The following RIMS2 variants were observed in gnomAD, a reference collection of about 807,000 sequenced individuals.
RIMS2 encodes regulating synaptic membrane exocytosis protein 2.
RIMS2 carries 59 observed loss-of-function variants against 174.4 expected under a neutral mutation model. The observed-to-expected ratio is 0.34, with a 90% CI of 0.27 to 0.42. RIMS2 has a LOEUF of 0.42. RIMS2 is among the 10% of genes least tolerant of loss of function. RIMS2 has a pLI of 1.00. For missense variants in RIMS2, 1,620 were observed against 1,666.3 expected, an observed-to-expected ratio of 0.97 and a Z score of 0.48; for synonymous variants, 606 against 572.5, an observed-to-expected ratio of 1.06 and a Z score of -0.84.
At chr8:103,969,240 GT>G (rs2092563260) in intron 15 of RIMS2, among the ~76,000 whole-genome samples, 1 of 152,028 alleles carries the variant, frequency 6.6e-6, no homozygotes, top group African/African-American at 2.4e-5. Context: ...CCTGACATTA[GT>G]TTGGGGAAAT....
At chr8:103,980,124 C>A (rs962219476) in intron 16 of RIMS2, among the ~76,000 whole-genome samples, 8 of 152,110 alleles carry the variant, frequency 5.3e-5, no homozygotes, top group Non-Finnish European at 1.0e-4. Flanking sequence ...GTGCTAGTAC[C>A]ACTCCTCCTC....
chr8:103,887,105 T>A (rs1404508551), intron 4 of RIMS2, among the ~76,000 whole-genome samples: 1 of 151,802 alleles, frequency 6.6e-6, no homozygotes, highest in Non-Finnish European at 1.5e-5. Flanking sequence ...ACCAAATCTT[T>A]GCCAATTGAA....
intron 2 of RIMS2, among the ~76,000 whole-genome samples, chr8:103,760,008 C>T (rs575864161): frequency 8.6e-4 from 131 of 152,172 alleles, no homozygotes; most frequent in Non-Finnish European, 1.5e-3. Flanking sequence ...TATTGGACTA[C>T]AATTTACTGA....
chr8:104,163,953 C>T (rs1823168), intron 19 of RIMS2, among the ~76,000 whole-genome samples: 35,132 of 151,946 alleles, frequency 0.23, 4,731 homozygotes, highest in Non-Finnish European at 0.31. Flanking sequence ...ACCACAGAGA[C>T]CCTCCAGGAA....
chr8:103,654,741 G>T (rs2096502812), intron 1 of RIMS2, among the ~76,000 whole-genome samples: 1 of 151,696 alleles, frequency 6.6e-6, no homozygotes, highest in Non-Finnish European at 1.5e-5. Context: ...TATGTGAGTG[G>T]GATAACTTCC....
At chr8:104,219,375 T>C (rs1017883561) in intron 19 of RIMS2, among the ~76,000 whole-genome samples, 4 of 152,218 alleles carry the variant, frequency 2.6e-5, no homozygotes, top group African/African-American at 9.6e-5. Context: ...TGAGTTTGAG[T>C]CTTGCTCTGC....
chr8:103,897,979 G>A lies in RIMS2; in HGVS notation c.1624+11756G>A, dbSNP rs554333215. The stretch of plus-strand genomic sequence containing the variant: ...ATCAATATTGCATAGTGTGGAATAT[G>A]CTGCCTTCAGAATCCAAAGAGATGA... On this transcript the variant is annotated intron_variant, in intron 4 of 23. Coordinates refer to ENST00000504942, the Ensembl canonical transcript of RIMS2. 2.0e-5 allele frequency among the ~76,000 whole-genome samples: 3 copies of A among 151,736 alleles called. 1 individual carries two copies. The highest frequency in any genetic ancestry group is 7.3e-5 in the African/African-American group (3 of 41,118).
intron 2 of RIMS2, among the ~76,000 whole-genome samples, chr8:103,748,876 C>A (rs1330389299): frequency 1.3e-5 from 2 of 152,078 alleles, no homozygotes; most frequent in Non-Finnish European, 2.9e-5. Context: ...TCTCAGCTCA[C>A]CGCAACCTCC....
chr8:103,910,267 C>T (rs1309856901), intron 5 of RIMS2, 54 bp from the exon 8 acceptor site: 2 of 1,486,840 alleles, frequency 1.3e-6, no homozygotes, highest in African/African-American at 2.8e-5. Context: ...TTTATTTACA[C>T]CTTTGCATGT....
At chr8:103,886,282 G>A (rs2099200701) in intron 4 of RIMS2, 59 bp downstream of exon 7, 5 of 1,417,618 alleles carry the variant, frequency 3.5e-6, no homozygotes, top group Non-Finnish European at 4.7e-6. Flanking sequence ...TTTTTTAATA[G>A]ATTGCATTTC....
chr8:103,724,604 GT>G (rs1379336846), intron 2 of RIMS2, among the ~76,000 whole-genome samples: 1 of 152,032 alleles, frequency 6.6e-6, no homozygotes, highest in Non-Finnish European at 1.5e-5. Flanking sequence ...TTGTGGAATA[GT>G]TTTTAAGTTT....
chr8:103,586,549 A>G (rs75178533), intron 1 of RIMS2, among the ~76,000 whole-genome samples: 4,559 of 152,274 alleles, frequency 0.03, 74 homozygotes, highest in African/African-American at 0.046. Flanking sequence ...GTTGAAATAA[A>G]TGATAATGGA....
intron 1 of RIMS2, among the ~76,000 whole-genome samples, chr8:103,589,558 T>TGGC (rs2094144253): frequency 6.6e-6 from 1 of 151,604 alleles, no homozygotes; most frequent in Admixed American, 6.6e-5. Context: ...CACCATATGA[T>TGGC]ACAGTACACC....
At position 103,576,253 on chromosome 8, in the gene RIMS2, A is replaced by G. The variant is rs554767351; in HGVS notation, c.176+75191A>G. Among the ~76,000 whole-genome samples, 10 of 152,350 alleles carry G rather than the reference A, an allele frequency of 6.6e-5. No homozygotes were observed. The East Asian group carries it at 1.9e-3, about 29-fold the overall frequency. On this transcript the variant is annotated intron_variant, in intron 1 of 23. Coordinates refer to ENST00000504942, the Ensembl canonical transcript of RIMS2. ...AGGCAAACTTGGGTTTAATGCACCA[A>G]CTAGTGCCAAAACGGTGGCAGCAAC...
At chr8:103,641,352 A>C (rs981205086) in intron 1 of RIMS2, among the ~76,000 whole-genome samples, 4 of 152,106 alleles carry the variant, frequency 2.6e-5, no homozygotes, top group African/African-American at 9.7e-5. Flanking sequence ...CATCACCTTA[A>C]ATATTTGTCT....
chr8:104,015,557 G>A (rs1319071568), intron 19 of RIMS2: 5 of 556,742 alleles, frequency 9.0e-6, no homozygotes, highest in Non-Finnish European at 1.6e-5. Context: ...TCGTTGTGTA[G>A]ACTTAAATAC....
At chr8:104,120,445 A>G (rs553291136) in intron 19 of RIMS2, among the ~76,000 whole-genome samples, 1 of 152,200 alleles carries the variant, frequency 6.6e-6, no homozygotes, top group African/African-American at 2.4e-5. Flanking sequence ...AATAGTTTTC[A>G]GGTGTATTTC....
intron 19 of RIMS2, among the ~76,000 whole-genome samples, chr8:104,048,666 A>G (rs1031693213): frequency 1.3e-5 from 2 of 152,196 alleles, no homozygotes; most frequent in African/African-American, 2.4e-5. Flanking sequence ...ATGGCTAAAT[A>G]AGTTATATGC....
intron 19 of RIMS2, among the ~76,000 whole-genome samples, chr8:104,041,710 T>C (rs545479968): frequency 6.6e-6 from 1 of 151,758 alleles, no homozygotes; most frequent in South Asian, 2.1e-4. Flanking sequence ...AAACTAGTTT[T>C]TTGCTTTTTA....
Sources: gnomAD v4.1 joint callset for allele counts (sites outside exome capture counted in the v4.1 genomes callset) on GRCh38, gnomAD v4.1.1 for gene constraint, MANE v1.5 for transcripts, NCBI Gene and HGNC (gene_info 2026-07-23, HGNC 2026-07-21) for gene names.